The following CADPS2 variants were observed in gnomAD, a reference collection of about 807,000 sequenced individuals.
The protein encoded by CADPS2 is calcium-dependent secretion activator 2.
In CADPS2, 93 loss-of-function variants were observed where a neutral mutation model predicts 172.5. The observed-to-expected ratio is 0.54, with a 90% confidence interval of 0.46 to 0.64. CADPS2 has a LOEUF of 0.64. CADPS2 is among the 30% of genes least tolerant of loss of function. CADPS2 has a pLI of 0.00. For synonymous variants in CADPS2, 546 were observed against 555.2 expected (o/e 0.98, Z 0.23); for missense variants, 1,420 against 1,565.9 (o/e 0.91, Z 1.57).
At chr7:122,683,334 G>A (rs2083264611) in intron 2 of CADPS2, among the ~76,000 whole-genome samples, 1 of 152,112 alleles carries the variant, frequency 6.6e-6, no homozygotes. Flanking sequence ...CTTTTTAAGG[G>A]CACAGGATAG....
Position 122,319,890 on chromosome 7 carries a change from A to G in CADPS2, c.*275T>C, listed in dbSNP as rs373661891. ...AAAAAAAAGTTCATGTTCTGATCAC[A>G]AGCAGAGCCAAGGTTCATTTTTAGG... On this transcript the variant is annotated 3_prime_UTR_variant, in exon 30 of 30. Coordinates refer to ENST00000449022, the MANE Select transcript of CADPS2 (RefSeq NM_017954.11). The G allele has an allele frequency of 3.7e-5, 12 of 324,960 alleles. No homozygotes were observed. The highest frequency in any genetic ancestry group is 1.9e-4 in the African/African-American group (9 of 46,896). 20.1% of individuals were successfully genotyped at this position (324,960 alleles called of 1,614,324 possible). A position where few individuals can be genotyped will look rare whatever the true frequency, so the allele number is the denominator to read the frequency against.
intron 1 of CADPS2, among the ~76,000 whole-genome samples, chr7:122,873,028 G>A (rs1468779820): frequency 6.6e-6 from 1 of 151,982 alleles, no homozygotes; most frequent in Non-Finnish European, 1.5e-5. Flanking sequence ...CTAGCTCCAG[G>A]AAAGGAGTAC....
intron 1 of CADPS2, among the ~76,000 whole-genome samples, chr7:122,754,750 C>T (rs1241429277): frequency 6.6e-6 from 1 of 152,224 alleles, no homozygotes; most frequent in African/African-American, 2.4e-5. Context: ...GCTGGGATTA[C>T]TGGCATAAGC....
At chr7:122,569,450 T>C (rs904091006) in intron 7 of CADPS2, among the ~76,000 whole-genome samples, 2 of 151,716 alleles carry the variant, frequency 1.3e-5, no homozygotes, top group Admixed American at 1.3e-4. Flanking sequence ...AAAATGGCCA[T>C]AATGCCCAAG....
intron 1 of CADPS2, among the ~76,000 whole-genome samples, chr7:122,836,341 A>C (rs1808400685): frequency 6.6e-6 from 1 of 152,212 alleles, no homozygotes; most frequent in African/African-American, 2.4e-5. Flanking sequence ...AATTGTAAAG[A>C]CCACCGAGGC....
At chr7:122,328,012 A>C (rs1389455282) in intron 28 of CADPS2, among the ~76,000 whole-genome samples, 1 of 152,094 alleles carries the variant, frequency 6.6e-6, no homozygotes, top group African/African-American at 2.4e-5. Context: ...ACACACTTCA[A>C]ATTAAGCAAA....
At chr7:122,585,315 C>T (rs1031334561) in intron 6 of CADPS2, among the ~76,000 whole-genome samples, 1 of 151,736 alleles carries the variant, frequency 6.6e-6, no homozygotes, top group Non-Finnish European at 1.5e-5. Context: ...TAAATCCCAA[C>T]ATTCCACGAT....
At chr7:122,526,006 A>G (rs2061201567) in intron 8 of CADPS2, among the ~76,000 whole-genome samples, 1 of 152,134 alleles carries the variant, frequency 6.6e-6, no homozygotes, top group African/African-American at 2.4e-5. Flanking sequence ...GCTGTGTGCC[A>G]GCAGTTGTTT....
intron 14 of CADPS2, among the ~76,000 whole-genome samples, chr7:122,464,735 A>G (rs2054910318): frequency 6.6e-6 from 1 of 152,136 alleles, no homozygotes; most frequent in Admixed American, 6.5e-5. Context: ...ACTCCTCAAA[A>G]CTGTCAAGGT....
At chr7:122,790,869 T>C (rs894588080) in intron 1 of CADPS2, among the ~76,000 whole-genome samples, 9 of 152,220 alleles carry the variant, frequency 5.9e-5, no homozygotes, top group African/African-American at 2.2e-4. Flanking sequence ...CCCATCATTA[T>C]AATTTTTCCT....
chr7:122,827,009 A>G (rs1053985293), intron 1 of CADPS2, among the ~76,000 whole-genome samples: 1 of 152,124 alleles, frequency 6.6e-6, no homozygotes, highest in Non-Finnish European at 1.5e-5. Flanking sequence ...GGGGAGAAAA[A>G]CAACTGGTAA....
chr7:122,417,228 C>T (rs1445315205), intron 17 of CADPS2, among the ~76,000 whole-genome samples: 2 of 152,090 alleles, frequency 1.3e-5, no homozygotes, highest in African/African-American at 2.4e-5. Flanking sequence ...TGCTTATGAT[C>T]GGTGCTCATT....
At chr7:122,397,819 G>A (rs532049959) in intron 20 of CADPS2, among the ~76,000 whole-genome samples, 1 of 152,106 alleles carries the variant, frequency 6.6e-6, no homozygotes, top group East Asian at 1.9e-4. Context: ...TTCTTAATGC[G>A]GCCACATCCA....
chr7:122,334,475 T>G (rs2035531230), intron 28 of CADPS2, among the ~76,000 whole-genome samples: 1 of 152,206 alleles, frequency 6.6e-6, no homozygotes, highest in Non-Finnish European at 1.5e-5. Context: ...AGAAAAATAT[T>G]GTTGCTGTGG....
chr7:122,706,155 TATATGCTTATATATTCAAGGAATAC>T, intron 2 of CADPS2, among the ~76,000 whole-genome samples: 1 of 58,906 alleles, frequency 1.7e-5, no homozygotes, highest in Non-Finnish European at 3.0e-5. Flanking sequence ...AAGGAATATA[TATATGCTTATATATTCAAGGAATAC>T]ATATATATGC....
intron 1 of CADPS2, among the ~76,000 whole-genome samples, chr7:122,738,374 G>C (rs766063521): frequency 5.3e-5 from 8 of 151,942 alleles, no homozygotes; most frequent in Admixed American, 2.0e-4. Context: ...TAGAAATAAG[G>C]CGTCTTAGAT....
intron 1 of CADPS2, among the ~76,000 whole-genome samples, chr7:122,813,867 C>T (rs1310288478): frequency 6.6e-6 from 1 of 151,910 alleles, no homozygotes; most frequent in Non-Finnish European, 1.5e-5. Flanking sequence ...TAAATTAATG[C>T]TGAACAAATA....
At chr7:122,801,517 G>A (rs1797641064) in intron 1 of CADPS2, among the ~76,000 whole-genome samples, 1 of 152,162 alleles carries the variant, frequency 6.6e-6, no homozygotes, top group Admixed American at 6.5e-5. Flanking sequence ...AAAATATCTA[G>A]CACAAATCAC....
chr7:122,533,702 C>A (rs188493799), intron 8 of CADPS2, among the ~76,000 whole-genome samples: 20 of 152,204 alleles, frequency 1.3e-4, no homozygotes, highest in African/African-American at 4.6e-4. Flanking sequence ...AGCAATTGAC[C>A]TAAGTAGAAG....
Sources: gnomAD v4.1 joint callset for allele counts (sites outside exome capture counted in the v4.1 genomes callset) on GRCh38, gnomAD v4.1.1 for gene constraint, MANE v1.5 for transcripts, NCBI Gene and HGNC (gene_info 2026-07-23, HGNC 2026-07-21) for gene names.